The following ABCB5 variants were observed in gnomAD, a reference collection of about 807,000 sequenced individuals.
ABCB5 encodes the protein ATP binding cassette subfamily B member 5, also known as ATP-binding cassette sub-family B member 5.
Under a neutral mutation model 144.2 loss-of-function variants are expected in ABCB5, and 155 were observed. The ratio of observed to expected loss-of-function variants is 1.08; its 90% CI spans 0.94 to 1.23. ABCB5 has a LOEUF of 1.23. ABCB5 is among the 50% of genes most tolerant of loss of function. ABCB5 has a pLI of 0.00. For synonymous variants in ABCB5, 610 were observed against 528.6 expected (o/e 1.15, Z -2.11); for missense variants, 1,830 against 1,520.8 (o/e 1.20, Z -3.38).
intron 5 of ABCB5, among the ~76,000 whole-genome samples, chr7:20,636,178 A>C (rs1583382681): frequency 6.6e-6 from 1 of 152,104 alleles, no homozygotes; most frequent in Non-Finnish European, 1.5e-5. Flanking sequence ...CATAAAATTT[A>C]TTTATATTGG....
chr7:20,655,554 C>T (rs1784759200), intron 13 of ABCB5, among the ~76,000 whole-genome samples: 2 of 148,816 alleles, frequency 1.3e-5, no homozygotes, highest in Middle Eastern at 7.0e-3. Flanking sequence ...AAATAAAAAG[C>T]AGTATTCACA....
At chr7:20,704,594 T>C in intron 19 of ABCB5, 130 bp from the exon 20 acceptor site, 1 of 611,608 alleles carries the variant, frequency 1.6e-6, no homozygotes, top group Admixed American at 3.0e-5. Flanking sequence ...CAATCCATAG[T>C]ATTTTATAGG....
At chr7:20,700,967 C>A (rs1786600007) in intron 19 of ABCB5, among the ~76,000 whole-genome samples, 1 of 152,162 alleles carries the variant, frequency 6.6e-6, no homozygotes, top group Non-Finnish European at 1.5e-5. Flanking sequence ...AGGAGCAGTG[C>A]TCTGAAGGCT....
intron 25 of ABCB5, among the ~76,000 whole-genome samples, chr7:20,744,042 TG>T (rs1782643088): frequency 6.6e-6 from 1 of 152,014 alleles, no homozygotes; most frequent in Admixed American, 6.6e-5. Flanking sequence ...TTCTGTTTTT[TG>T]GGGGGCTTTT....
intron 16 of ABCB5, among the ~76,000 whole-genome samples, chr7:20,691,362 G>GAGGTTTCA (rs1337212869): frequency 6.6e-5 from 10 of 151,482 alleles, no homozygotes; most frequent in Admixed American, 3.9e-4. Flanking sequence ...GCAAAGAACC[G>GAGGTTTCA]GAGAGGAGAG....
chr7:20,745,151 G>T (rs1782679567), intron 25 of ABCB5, 81 bp from the exon 26 acceptor site: 9 of 1,345,358 alleles, frequency 6.7e-6, no homozygotes, highest in Middle Eastern at 2.3e-4. Flanking sequence ...GTTATGATTT[G>T]TGTGTGTTTG....
At chr7:20,637,835 C>T (rs558564538) in intron 5 of ABCB5, among the ~76,000 whole-genome samples, 61 of 152,208 alleles carry the variant, frequency 4.0e-4, no homozygotes, top group African/African-American at 1.4e-3. Context: ...CAGCCAACTC[C>T]GTGTTAGATT....
intron 16 of ABCB5, among the ~76,000 whole-genome samples, chr7:20,690,531 G>C (rs1367226240): frequency 2.0e-5 from 3 of 152,128 alleles, no homozygotes; most frequent in African/African-American, 7.2e-5. Context: ...TGCATTAGAG[G>C]GTCTTATTCA....
chr7:20,655,564 A>G (rs1784759385), intron 13 of ABCB5, among the ~76,000 whole-genome samples: 1 of 152,168 alleles, frequency 6.6e-6, no homozygotes, highest in Admixed American at 6.6e-5. Context: ...CAGTATTCAC[A>G]AAGCATCAAC....
At chr7:20,664,662 TG>T (rs1302271173) in intron 14 of ABCB5, among the ~76,000 whole-genome samples, 1 of 152,244 alleles carries the variant, frequency 6.6e-6, no homozygotes, top group African/African-American at 2.4e-5. Flanking sequence ...TATGCCCTTA[TG>T]GAAAAAAATA....
chr7:20,747,558 CT>C (rs1782768422), intron 26 of ABCB5, among the ~76,000 whole-genome samples: 1 of 152,178 alleles, frequency 6.6e-6, no homozygotes, highest in Admixed American at 6.5e-5. Flanking sequence ...CACATCTGGC[CT>C]AACTTTTATT....
intron 13 of ABCB5, 146 bp from the exon 14 acceptor site, chr7:20,658,360 A>T: frequency 3.1e-6 from 2 of 643,392 alleles, no homozygotes; most frequent in South Asian, 8.8e-5. Flanking sequence ...TTGTTTTCAC[A>T]AAGAACAAAT....
At chr7:20,623,442 GCAACACTA>G in intron 2 of ABCB5, 104 bp downstream of exon 2, 6 of 940,686 alleles carry the variant, frequency 6.4e-6, no homozygotes, top group Non-Finnish European at 9.8e-6. Context: ...CCCAAAAATA[GCAACACTA>G]TTTGCATTTT....
chr7:20,698,819 T>G (rs1786511848), intron 17 of ABCB5, among the ~76,000 whole-genome samples: 1 of 152,234 alleles, frequency 6.6e-6, no homozygotes, highest in Non-Finnish European at 1.5e-5. Context: ...TGGATCAGCA[T>G]TCCAAAACAC....
chr7:20,660,111 T>C, intron 14 of ABCB5: 1 of 984,064 alleles, frequency 1.0e-6, no homozygotes, highest in Non-Finnish European at 1.2e-6. Context: ...TTCAGACTTT[T>C]AAAATAAATA....
chr7:20,655,269 T>C (rs2128028123), intron 13 of ABCB5, among the ~76,000 whole-genome samples: 1 of 152,188 alleles, frequency 6.6e-6, no homozygotes, highest in African/African-American at 2.4e-5. Context: ...GAAAGGAGTT[T>C]GTTACCAGCC....
intron 20 of ABCB5, among the ~76,000 whole-genome samples, chr7:20,712,158 CAAAAAAAAAAA>C (rs34938819): frequency 5.7e-5 from 3 of 52,646 alleles, no homozygotes; most frequent in Non-Finnish European, 9.6e-5. Flanking sequence ...AAGACGCCGT[CAAAAAAAAAAA>C]AAAAAAAAAA....
At chr7:20,678,810 A>G (rs894671964) in intron 14 of ABCB5, among the ~76,000 whole-genome samples, 2 of 152,210 alleles carry the variant, frequency 1.3e-5, no homozygotes, top group Non-Finnish European at 2.9e-5. Context: ...CAAATAGAAT[A>G]CAAAAACAGA....
chr7:20,640,217 C>A (rs1273122556), intron 5 of ABCB5, among the ~76,000 whole-genome samples: 1 of 152,094 alleles, frequency 6.6e-6, no homozygotes, highest in Non-Finnish European at 1.5e-5. Context: ...AGTTAATGTT[C>A]TATTAAAGTT....
Sources: allele counts gnomAD v4.1 joint callset (sites outside exome capture counted in the v4.1 genomes callset), GRCh38; gene constraint gnomAD v4.1.1; transcripts MANE v1.5; gene names NCBI Gene and HGNC (gene_info 2026-07-23, HGNC 2026-07-21).